Variants in MCF2L observed in about 807,000 individuals in gnomAD.
The protein encoded by MCF2L is MCF.2 cell line derived transforming sequence like, also known as guanine nucleotide exchange factor DBS.
In MCF2L, 97 loss-of-function variants were observed where a neutral mutation model predicts 153.4. That is an observed-to-expected ratio of 0.63 (90% CI 0.54 to 0.75). MCF2L has a LOEUF of 0.75. Ranked by LOEUF, MCF2L falls within the 30% of genes least tolerant of loss-of-function variation. The probability of loss-of-function intolerance (pLI) is 0.00; values close to 1 mark genes in which losing one functional copy is unlikely to be tolerated. For synonymous variants in MCF2L, 659 were observed against 632.2 expected (o/e 1.04, Z -0.64); for missense variants, 1,347 against 1,495.2 (o/e 0.90, Z 1.64).
chr13:113,018,231 A>G (rs2141228260), intron 2 of MCF2L, among the ~76,000 whole-genome samples: 1 of 152,278 alleles, frequency 6.6e-6, no homozygotes, highest in African/African-American at 2.4e-5. Flanking sequence ...CGGAAGTCAC[A>G]CCTGGACTCT....
chr13:113,012,343 T>G (rs1270670623), intron 1 of MCF2L, among the ~76,000 whole-genome samples: 3 of 86,822 alleles, frequency 3.5e-5, no homozygotes, highest in Non-Finnish European at 4.9e-5. Flanking sequence ...GGACAGGCAG[T>G]GTGGACGGTG....
intron 2 of MCF2L, among the ~76,000 whole-genome samples, chr13:112,926,393 G>T (rs912390592): frequency 1.3e-5 from 2 of 151,376 alleles, no homozygotes; most frequent in Non-Finnish European, 2.9e-5. Context: ...AGTGCAGTAC[G>T]GCCTGGTCTA....
At chr13:112,930,338 G>A (rs901072552) in intron 2 of MCF2L, among the ~76,000 whole-genome samples, 1 of 152,158 alleles carries the variant, frequency 6.6e-6, no homozygotes, top group Non-Finnish European at 1.5e-5. Flanking sequence ...GGTCCATGCA[G>A]ATGATGGAAT....
At chr13:113,013,398 C>T (rs1486139120) in intron 1 of MCF2L, among the ~76,000 whole-genome samples, 1 of 152,082 alleles carries the variant, frequency 6.6e-6, no homozygotes, top group Non-Finnish European at 1.5e-5. Context: ...CTGCTGCTTC[C>T]CCCCCAACAC....
rs144444032 is a variant in MCF2L at position 113,032,257 on chromosome 13, G to C, written c.278+7499G>C. Reference sequence around the variant, plus strand: ...AGCCCTTGGAAGAGCCCCACTTCTCGCTGTGGGTTTGATTTCCTATTGAAC... The same window carrying C: ...AGCCCTTGGAAGAGCCCCACTTCTCCCTGTGGGTTTGATTTCCTATTGAAC... On this transcript the variant is annotated intron_variant, in intron 3 of 29. Transcript: ENST00000535094. Among the ~76,000 whole-genome samples, 37 of 152,340 alleles carry C rather than the reference G, an allele frequency of 2.4e-4. 1 individual carries two copies. Among genetic ancestry groups the C allele is most frequent in the African/African-American group, 8.4e-4 (35 of 41,576 alleles).
chr13:113,004,644 CAG>C (rs751621789), intron 1 of MCF2L, among the ~76,000 whole-genome samples: 1 of 152,190 alleles, frequency 6.6e-6, no homozygotes, highest in Non-Finnish European at 1.5e-5. Flanking sequence ...GGAGGAGGCC[CAG>C]AGAGAGAAAG....
At position 113,053,436 on chromosome 13, in the gene MCF2L, G is replaced by A. The variant is rs953494529; in HGVS notation, c.370-7157G>A. Among the ~76,000 whole-genome samples, 6 of 152,168 alleles carry A rather than the reference G, an allele frequency of 3.9e-5. No individual in the cohort carries two copies. Among genetic ancestry groups the A allele is most frequent in the South Asian group, 4.1e-4 (2 of 4,824 alleles). Reference sequence around the variant, plus strand: ...TAGGTTCCACGTGGTCCTTTGGGGCGGGAATCCTGGTGGGTGAGCTTCTGG... The same window carrying A: ...TAGGTTCCACGTGGTCCTTTGGGGCAGGAATCCTGGTGGGTGAGCTTCTGG... On this transcript the variant is annotated intron_variant, in intron 4 of 29. Coordinates refer to ENST00000535094, the MANE Select transcript of MCF2L (RefSeq NM_001112732.3). This position sits in a 1 kb window ranked among gnomAD's most constrained non-coding sequence, Gnocchi z 4.4.
At chr13:113,011,110 C>G (rs936629835) in intron 1 of MCF2L, among the ~76,000 whole-genome samples, 1 of 152,190 alleles carries the variant, frequency 6.6e-6, no homozygotes, top group Non-Finnish European at 1.5e-5. Flanking sequence ...CAGGGCCCCG[C>G]CTGCAGAAGG....
chr13:113,086,033 C>T, intron 20 of MCF2L, 91 bp from the exon 21 acceptor site: 1 of 1,394,896 alleles, frequency 7.2e-7, no homozygotes. Context: ...GAGCAGCATC[C>T]CTACCTCGTG....
intron 1 of MCF2L, among the ~76,000 whole-genome samples, chr13:112,894,812 C>T (rs950790849): frequency 2.6e-5 from 4 of 152,092 alleles, no homozygotes; most frequent in Admixed American, 1.3e-4. Flanking sequence ...AGGACCACCC[C>T]GGGAGCTCTG....
At chr13:112,920,464 A>G (rs1193647967) in intron 2 of MCF2L, among the ~76,000 whole-genome samples, 1 of 151,982 alleles carries the variant, frequency 6.6e-6, no homozygotes, top group African/African-American at 2.4e-5. Flanking sequence ...AGTTCCTGAG[A>G]TTTGGTTAAA....
intron 2 of MCF2L, among the ~76,000 whole-genome samples, chr13:112,912,555 G>A (rs1160127875): frequency 6.6e-6 from 1 of 152,160 alleles, no homozygotes; most frequent in Non-Finnish European, 1.5e-5. Context: ...GACCTCAGGT[G>A]ATTCACCCGC....
At chr13:113,019,282 C>T (rs541779629) in intron 2 of MCF2L, among the ~76,000 whole-genome samples, 13 of 152,338 alleles carry the variant, frequency 8.5e-5, no homozygotes, top group African/African-American at 2.9e-4. Context: ...GGAAGGACCC[C>T]GGAGTCTCCC....
intron 4 of MCF2L, 45 bp from the exon 5 acceptor site, chr13:113,060,548 C>G: frequency 6.2e-7 from 1 of 1,604,468 alleles, no homozygotes; most frequent in East Asian, 2.2e-5. Context: ...GGGCTGCTGT[C>G]TGCAGAGCAC....
At chr13:113,044,670 C>T (rs1262324513) in intron 3 of MCF2L, 6 of 1,612,246 alleles carry the variant, frequency 3.7e-6, no homozygotes, top group South Asian at 2.2e-5. Context: ...CTACCAGGCT[C>T]ATCCGAGGAC....
chr13:113,077,588 G>A (rs566102), intron 13 of MCF2L, among the ~76,000 whole-genome samples: 62,384 of 151,902 alleles, frequency 0.41, 13,179 homozygotes, highest in South Asian at 0.48. Flanking sequence ...GCCTCTCCAC[G>A]GTCTGTCCTT....
intron 3 of MCF2L, among the ~76,000 whole-genome samples, chr13:113,036,885 T>C (rs1234085594): frequency 1.3e-5 from 2 of 152,234 alleles, no homozygotes; most frequent in Non-Finnish European, 2.9e-5. Context: ...CAACCATGAA[T>C]TCCTAGGCCT....
chr13:113,009,666 G>A (rs1470339782), intron 1 of MCF2L: 2 of 152,338 alleles, frequency 1.3e-5, no homozygotes, highest in African/African-American at 2.4e-5. Context: ...TGAAGGCTGT[G>A]GTTTCAAGCA....
chr13:112,977,199 T>C (rs1310755314), intron 1 of MCF2L, among the ~76,000 whole-genome samples: 2 of 152,230 alleles, frequency 1.3e-5, no homozygotes, highest in Non-Finnish European at 2.9e-5. Context: ...CTTACTGATA[T>C]GGATTTCTTA....
Sources: gnomAD v4.1 joint callset for allele counts (sites outside exome capture counted in the v4.1 genomes callset) on GRCh38, gnomAD v4.1.1 for gene constraint, Gnocchi (gnomAD v3.1) non-coding constraint, MANE v1.5 for transcripts, NCBI Gene and HGNC (gene_info 2026-07-23, HGNC 2026-07-21) for gene names.